The following CNTNAP2 variants were observed in gnomAD, a reference collection of about 807,000 sequenced individuals.
The protein encoded by CNTNAP2 is contactin associated protein 2, also known as contactin-associated protein-like 2.
In CNTNAP2, 98 loss-of-function variants were observed where a neutral mutation model predicts 155.2. The ratio of observed to expected loss-of-function variants is 0.63; its 90% CI spans 0.54 to 0.75. The LOEUF (loss-of-function observed/expected upper bound fraction) is 0.75, where lower values mean the gene tolerates loss of function less well. Among genes scored for constraint, CNTNAP2 ranks in the 30% least tolerant of loss-of-function variants. CNTNAP2 has a pLI of 0.00. For missense variants in CNTNAP2, 1,727 were observed against 1,688.1 expected (o/e 1.02, Z -0.40); for synonymous variants, 651 against 631.2 (o/e 1.03, Z -0.47).
chr7:147,288,994 G>A (rs1237072469), intron 8 of CNTNAP2, among the ~76,000 whole-genome samples: 1 of 151,980 alleles, frequency 6.6e-6, no homozygotes, highest in East Asian at 1.9e-4. Flanking sequence ...ATAGTATCAG[G>A]TACCTCATAT....
chr7:146,300,528 C>A (rs948610145), intron 1 of CNTNAP2, among the ~76,000 whole-genome samples: 1 of 151,868 alleles, frequency 6.6e-6, no homozygotes, highest in Admixed American at 6.6e-5. Flanking sequence ...TTAAGGGTAC[C>A]ATATTGTATA....
intron 4 of CNTNAP2, chr7:147,081,558 A>G (rs1584825476): frequency 6.6e-6 from 1 of 151,096 alleles, no homozygotes; most frequent in Non-Finnish European, 1.5e-5. Flanking sequence ...CTGGGACTAC[A>G]GGCGCACCAC....
At chr7:146,851,260 C>T (rs962990788) in intron 3 of CNTNAP2, among the ~76,000 whole-genome samples, 1 of 152,052 alleles carries the variant, frequency 6.6e-6, no homozygotes, top group Non-Finnish European at 1.5e-5. Context: ...GCTGGAATTA[C>T]AGGCATGAGC....
At chr7:147,315,493 T>G (rs1448500933) in intron 9 of CNTNAP2, among the ~76,000 whole-genome samples, 53 of 148,646 alleles carry the variant, frequency 3.6e-4, no homozygotes, top group African/African-American at 1.3e-3. Flanking sequence ...TTTTTTTTTT[T>G]TTTTTTGAGA....
At position 147,601,269 on chromosome 7, in the gene CNTNAP2, C is replaced by T. The variant is rs572805845; in HGVS notation, c.1898-37837C>T. The stretch of plus-strand genomic sequence containing the variant: ...GAGCAGCAAGGCTGTTTATTTCACC[C>T]GGGTGCAGGCGGGCTGAGTCTGAAA... On this transcript the variant is annotated intron_variant, in intron 12 of 23. Coordinates refer to ENST00000361727, the MANE Select transcript of CNTNAP2 (RefSeq NM_014141.6). Among the ~76,000 whole-genome samples, 8 of 152,056 alleles carry T rather than the reference C, an allele frequency of 5.3e-5. No individual in the cohort carries two copies. The East Asian group carries it at 9.7e-4, about 18-fold the overall frequency.
At chr7:147,480,279 G>A (rs1798398252) in intron 10 of CNTNAP2, among the ~76,000 whole-genome samples, 1 of 152,142 alleles carries the variant, frequency 6.6e-6, no homozygotes. Context: ...TAAATAATGG[G>A]CCAATCATTT....
intron 3 of CNTNAP2, among the ~76,000 whole-genome samples, chr7:146,976,222 C>T (rs115978052): frequency 0.013 from 1,904 of 152,300 alleles, 31 homozygotes; most frequent in African/African-American, 0.042. Context: ...GCACAGAAGG[C>T]GTCTGTGTGT....
intron 1 of CNTNAP2, among the ~76,000 whole-genome samples, chr7:146,734,817 T>C (rs1801583977): frequency 6.6e-6 from 1 of 152,214 alleles, no homozygotes; most frequent in East Asian, 1.9e-4. Flanking sequence ...CCTCAAGGAA[T>C]CTCGATGTGT....
intron 3 of CNTNAP2, among the ~76,000 whole-genome samples, chr7:146,967,916 T>C (rs1236070475): frequency 6.6e-6 from 1 of 151,714 alleles, no homozygotes; most frequent in African/African-American, 2.4e-5. Context: ...TTCCAGTTTT[T>C]GCGCATTCAG....
At chr7:146,750,735 A>T (rs749012252) in intron 1 of CNTNAP2, among the ~76,000 whole-genome samples, 2 of 152,144 alleles carry the variant, frequency 1.3e-5, no homozygotes, top group Non-Finnish European at 2.9e-5. Flanking sequence ...CATGGCCAGA[A>T]ATGTATATAG....
chr7:146,519,185 G>T (rs1424206326), intron 1 of CNTNAP2, among the ~76,000 whole-genome samples: 1 of 151,712 alleles, frequency 6.6e-6, no homozygotes, highest in Admixed American at 6.6e-5. Flanking sequence ...ATAATATAAG[G>T]CAGTTTGCTG....
intron 21 of CNTNAP2, among the ~76,000 whole-genome samples, chr7:148,369,181 C>CTT (rs376460265): frequency 2.2e-5 from 2 of 92,306 alleles, no homozygotes; most frequent in Admixed American, 1.7e-4. Context: ...AATTGAATCC[C>CTT]TTTTTTTTTT....
intron 13 of CNTNAP2, among the ~76,000 whole-genome samples, chr7:147,686,166 G>A (rs1270338730): frequency 6.6e-6 from 1 of 152,016 alleles, no homozygotes. Context: ...TCAGACCTGG[G>A]TGATAGTGAT....
intron 3 of CNTNAP2, among the ~76,000 whole-genome samples, chr7:146,907,179 G>C (rs1402160511): frequency 6.6e-6 from 1 of 152,088 alleles, no homozygotes; most frequent in Non-Finnish European, 1.5e-5. Context: ...TCTGATTGGT[G>C]TACCTGAAAA....
intron 13 of CNTNAP2, among the ~76,000 whole-genome samples, chr7:147,651,396 C>T (rs374037996): frequency 2.0e-5 from 3 of 152,260 alleles, no homozygotes; most frequent in East Asian, 1.9e-4. Flanking sequence ...TATGCAGCAA[C>T]ACCTGGAAGA....
At chr7:147,024,375 TAGTTA>T (rs1798864310) in intron 3 of CNTNAP2, among the ~76,000 whole-genome samples, 1 of 152,218 alleles carries the variant, frequency 6.6e-6, no homozygotes, top group African/African-American at 2.4e-5. Context: ...ATCTGTAGTT[TAGTTA>T]ATTTTATTGT....
intron 20 of CNTNAP2, among the ~76,000 whole-genome samples, chr7:148,237,462 A>C (rs1796062781): frequency 6.6e-6 from 1 of 152,190 alleles, no homozygotes; most frequent in Non-Finnish European, 1.5e-5. Flanking sequence ...AAGAGGGAGA[A>C]GGAGAGGGAA....
At chr7:148,292,979 T>C (rs546138866) in intron 21 of CNTNAP2, among the ~76,000 whole-genome samples, 82 of 152,212 alleles carry the variant, frequency 5.4e-4, no homozygotes, top group African/African-American at 1.9e-3. Context: ...TATTTGCATA[T>C]GAGTAAAATT....
rs746262083 is a variant in CNTNAP2 at position 146,799,870 on chromosome 7, G to A, written c.208+25489G>A. Among the ~76,000 whole-genome samples the A allele has an allele frequency of 5.3e-5, 8 of 152,052 alleles. No individual in the cohort carries two copies. In the East Asian group the frequency reaches 5.8e-4, roughly 11 times the overall value. On this transcript the variant is annotated intron_variant, in intron 2 of 23. Coordinates refer to ENST00000361727, the MANE Select transcript of CNTNAP2 (RefSeq NM_014141.6). ...ATCTCACAGAGACATTTTCAAGATCGAAGGAGTTTAATAGTGTATAAAATT... is the reference window on the plus strand; with the variant it reads ...ATCTCACAGAGACATTTTCAAGATCAAAGGAGTTTAATAGTGTATAAAATT...
Sources: allele counts gnomAD v4.1 joint callset (sites outside exome capture counted in the v4.1 genomes callset), GRCh38; gene constraint gnomAD v4.1.1; transcripts MANE v1.5; gene names NCBI Gene and HGNC (gene_info 2026-07-23, HGNC 2026-07-21).